Variants in TAOK1 observed in about 807,000 individuals in gnomAD.
TAOK1 encodes the protein TAO kinase 1, also known as serine/threonine-protein kinase TAO1.
A neutral mutation model predicts 138.3 loss-of-function variants in TAOK1; 21 were observed. The ratio of observed to expected loss-of-function variants is 0.15; its 90% CI spans 0.11 to 0.22. TAOK1 has a LOEUF of 0.22. TAOK1 is among the 10% of genes least tolerant of loss of function. The pLI is 1.00. For synonymous variants in TAOK1, 361 were observed against 398.4 expected (o/e 0.91, Z 1.12); for missense variants, 651 against 1,227.7 (o/e 0.53, Z 7.02).
At position 29,462,127 on chromosome 17, in the gene TAOK1, T is replaced by C. The variant is rs2153025180; in HGVS notation, c.133-5018T>C. 2.0e-5 allele frequency among the ~76,000 whole-genome samples: 3 copies of C among 152,354 alleles called. No individual in the cohort carries two copies. The South Asian group carries it at 6.2e-4, about 32-fold the overall frequency. ...AGGAAGGACCCTCTGGTCAAATTTT[T>C]TTAGGTGGCTAAAAATAGCTCTTTA... On this transcript the variant is annotated intron_variant, in intron 2 of 19. Transcript: ENST00000261716.
chr17:29,420,019 A>G lies in TAOK1; in HGVS notation c.-95+28995A>G, dbSNP rs117726666. 1.4e-3 allele frequency among the ~76,000 whole-genome samples: 213 copies of G among 149,448 alleles called. 2 individuals are homozygous for G. In the East Asian group the frequency reaches 0.031, roughly 22 times the overall value. ...CTCAGTCTCCCAAGTAGCTGGGACT[A>G]CAAGTGTTGCTGCAACACCTGGCTA... On this transcript the variant is annotated intron_variant, in intron 1 of 19. Coordinates refer to ENST00000261716, the MANE Select transcript of TAOK1 (RefSeq NM_020791.4).
At chr17:29,527,588 A>G (rs1277997762) in intron 17 of TAOK1, among the ~76,000 whole-genome samples, 1 of 152,246 alleles carries the variant, frequency 6.6e-6, no homozygotes, top group Non-Finnish European at 1.5e-5. Flanking sequence ...ATGGTGAAAA[A>G]TACAGAAAGG....
Position 29,451,833 on chromosome 17 carries a change from G to T in TAOK1, c.132+153G>T, listed in dbSNP as rs1325934090. The T allele has an allele frequency of 1.3e-5, 10 of 744,204 alleles. No individual in the cohort carries two copies. In the Admixed American group the frequency reaches 2.9e-4, roughly 22 times the overall value. The allele number at this position is 744,204 out of a possible 1,614,324, so 46.1% of individuals were successfully genotyped here. On this transcript the variant is annotated intron_variant, in intron 2 of 19. Transcript: ENST00000261716. The stretch of plus-strand genomic sequence containing the variant: ...GAGAGAGCGCGAGAGCGAGAGCGTG[G>T]GTGAGTGTGTGTGTCTGTGTGTAAA...
chr17:29,424,353 C>G (rs956467926), intron 1 of TAOK1, among the ~76,000 whole-genome samples: 3 of 145,502 alleles, frequency 2.1e-5, no homozygotes, highest in Admixed American at 1.4e-4. Context: ...AGGAGAATAG[C>G]GTGAACCTGG....
rs527747764 is a variant in TAOK1, at chr17:29,428,819, G to A, written c.-94-22636G>A. 2.6e-5 allele frequency among the ~76,000 whole-genome samples: 4 copies of A among 151,354 alleles called. No individual in the cohort carries two copies. In the South Asian group the frequency reaches 8.4e-4, roughly 32 times the overall value. ...TTTTTTTTTTTTTCTGTAGAGACAG[G>A]GTTCCACCATGTTGCCCAGGCTTGT... On this transcript the variant is annotated intron_variant, in intron 1 of 19. Transcript: ENST00000261716.
intron 8 of TAOK1, among the ~76,000 whole-genome samples, chr17:29,488,746 G>C (rs2031233332): frequency 6.7e-6 from 1 of 149,152 alleles, no homozygotes; most frequent in African/African-American, 2.5e-5. Context: ...ATTTGTCAAA[G>C]TCATGACTTC....
chr17:29,446,654 A>G (rs1234308270), intron 1 of TAOK1, among the ~76,000 whole-genome samples: 1 of 152,134 alleles, frequency 6.6e-6, no homozygotes, highest in East Asian at 1.9e-4. Context: ...GCAGTCATGC[A>G]CCATGTAACG....
chr17:29,394,150 G>GTGTT (rs1904514249), intron 1 of TAOK1, among the ~76,000 whole-genome samples: 1 of 48,246 alleles, frequency 2.1e-5, no homozygotes, highest in Non-Finnish European at 3.6e-5. Context: ...TAATTTGCCA[G>GTGTT]TTTTTTTTTT....
chr17:29,501,220 TTAAAAA>T (rs2031517659), intron 12 of TAOK1, among the ~76,000 whole-genome samples: 1 of 88,558 alleles, frequency 1.1e-5, no homozygotes, highest in African/African-American at 4.0e-5. Flanking sequence ...CCCCATCTGT[TTAAAAA>T]AAAAAAAAAA....
intron 10 of TAOK1, among the ~76,000 whole-genome samples, chr17:29,494,377 T>A (rs1041734883): frequency 2.6e-5 from 4 of 151,854 alleles, no homozygotes; most frequent in African/African-American, 9.7e-5. Context: ...GACATGGTGG[T>A]GCACACCTGT....
intron 1 of TAOK1, among the ~76,000 whole-genome samples, chr17:29,438,127 C>A (rs991985522): frequency 6.6e-6 from 1 of 152,152 alleles, no homozygotes; most frequent in Non-Finnish European, 1.5e-5. Flanking sequence ...AAGACTGTTA[C>A]AAAACATTCA....
chr17:29,463,570 C>CAAAA (rs34303520), intron 2 of TAOK1, among the ~76,000 whole-genome samples: 1 of 117,568 alleles, frequency 8.5e-6, no homozygotes. Flanking sequence ...GACTCCATCT[C>CAAAA]AAAAAAAAAA....
intron 17 of TAOK1, among the ~76,000 whole-genome samples, chr17:29,523,117 A>G (rs977287142): frequency 6.6e-6 from 1 of 151,818 alleles, no homozygotes; most frequent in Admixed American, 6.6e-5. Flanking sequence ...TCCAAGGCCA[A>G]TATTATATTC....
At chr17:29,471,593 T>C (rs2030820878) in intron 3 of TAOK1, among the ~76,000 whole-genome samples, 1 of 151,902 alleles carries the variant, frequency 6.6e-6, no homozygotes, top group Non-Finnish European at 1.5e-5. Context: ...ATTTTATTTC[T>C]AAAAAAAAGT....
chr17:29,504,154 G>A (rs966548402), intron 13 of TAOK1, among the ~76,000 whole-genome samples: 2 of 148,986 alleles, frequency 1.3e-5, no homozygotes, highest in African/African-American at 2.5e-5. Flanking sequence ...GCATGTGCCT[G>A]TAGTCCCATA....
chr17:29,409,153 C>A (rs1434579826), intron 1 of TAOK1, among the ~76,000 whole-genome samples: 3 of 151,690 alleles, frequency 2.0e-5, no homozygotes. Flanking sequence ...TTGCGTGTTT[C>A]ATTAGTTCAT....
intron 1 of TAOK1, among the ~76,000 whole-genome samples, chr17:29,393,249 G>A (rs2153019316): frequency 6.6e-6 from 1 of 152,208 alleles, no homozygotes; most frequent in Middle Eastern, 3.4e-3. Context: ...AGGAGTGACT[G>A]CTTTTACCTT....
At chr17:29,488,607 AATT>A (rs1174666279) in intron 8 of TAOK1, among the ~76,000 whole-genome samples, 8 of 148,552 alleles carry the variant, frequency 5.4e-5, no homozygotes, top group African/African-American at 2.0e-4. Context: ...TAATAATAAT[AATT>A]GTTAATTTTT....
At chr17:29,443,529 A>G (rs539541600) in intron 1 of TAOK1, among the ~76,000 whole-genome samples, 2 of 152,280 alleles carry the variant, frequency 1.3e-5, no homozygotes, top group African/African-American at 4.8e-5. Context: ...CACAAAAATT[A>G]TGTATGCCTT....
Sources: gnomAD v4.1 joint callset for allele counts (sites outside exome capture counted in the v4.1 genomes callset) on GRCh38, gnomAD v4.1.1 for gene constraint, MANE v1.5 for transcripts, NCBI Gene and HGNC (gene_info 2026-07-23, HGNC 2026-07-21) for gene names.